The following CRB1 variants were observed in gnomAD, a reference collection of about 807,000 sequenced individuals.
CRB1 encodes the protein protein crumbs homolog 1.
In CRB1, 83 loss-of-function variants were observed where a neutral mutation model predicts 120.0. The ratio of observed to expected loss-of-function variants is 0.69; its 90% CI spans 0.58 to 0.83. The LOEUF is 0.83. Among genes scored for constraint, CRB1 ranks in the 40% least tolerant of loss-of-function variants. CRB1 has a pLI of 0.00. For missense variants in CRB1, 1,699 were observed against 1,687.6 expected, an observed-to-expected ratio of 1.01 and a Z score of -0.12; for synonymous variants, 625 against 612.5, an observed-to-expected ratio of 1.02 and a Z score of -0.30.
chr1:197,408,505 A>G (rs975183113), intron 5 of CRB1, among the ~76,000 whole-genome samples: 3 of 152,152 alleles, frequency 2.0e-5, no homozygotes, highest in Admixed American at 1.3e-4. Context: ...TCAATAATAT[A>G]CTTGGCCTTT....
chr1:197,394,099 G>T (rs1662650105), intron 5 of CRB1, among the ~76,000 whole-genome samples: 1 of 151,892 alleles, frequency 6.6e-6, no homozygotes. Context: ...TTCTGCCTGT[G>T]CCCAACTATG....
intron 7 of CRB1, chr1:197,428,841 A>G (rs898089526): frequency 1.3e-5 from 11 of 852,124 alleles, no homozygotes; most frequent in South Asian, 2.0e-5. Context: ...AGCCTAAATC[A>G]TATGTTAATA....
At chr1:197,209,623 C>T in the CRB1 span, among the ~76,000 whole-genome samples, 51 of 152,288 alleles carry the variant, frequency 3.3e-4, no homozygotes, top group South Asian at 8.3e-4. Context: ...GCTGGGATTA[C>T]AGGTGTGAGC....
intron 1 of CRB1, among the ~76,000 whole-genome samples, chr1:197,289,497 A>G (rs1656037670): frequency 6.6e-6 from 1 of 151,552 alleles, no homozygotes; most frequent in South Asian, 2.1e-4. Context: ...TTCAAATGTT[A>G]TTTATGATTC....
At chr1:197,348,120 C>T (rs943744940) in intron 4 of CRB1, among the ~76,000 whole-genome samples, 1 of 152,196 alleles carries the variant, frequency 6.6e-6, no homozygotes. Flanking sequence ...ACCACATATA[C>T]AACCGTGGTC....
intron 1 of CRB1, among the ~76,000 whole-genome samples, chr1:197,310,901 G>C (rs1412045474): frequency 2.0e-5 from 3 of 152,102 alleles, no homozygotes; most frequent in Non-Finnish European, 4.4e-5. Flanking sequence ...GACATCCACA[G>C]GGTAGAGAAA....
the CRB1 span, among the ~76,000 whole-genome samples, chr1:197,252,920 T>C: frequency 2.6e-5 from 4 of 151,832 alleles, no homozygotes; most frequent in African/African-American, 9.7e-5. Context: ...CTCATTCACA[T>C]TGGTGAAGGC....
chr1:197,424,905 C>G (rs532301419), intron 6 of CRB1, among the ~76,000 whole-genome samples: 1 of 152,252 alleles, frequency 6.6e-6, no homozygotes, highest in African/African-American at 2.4e-5. Context: ...AATCCACAGC[C>G]AAGTCATATG....
the CRB1 span, among the ~76,000 whole-genome samples, chr1:197,247,274 C>A: frequency 1.3e-5 from 2 of 151,988 alleles, no homozygotes; most frequent in Non-Finnish European, 2.9e-5. Context: ...CTGAATGTTT[C>A]CACAAATATT....
In CRB1 at chr1:197,434,784, C is replaced by G. The variant is rs575358595; in HGVS notation, c.2921C>G (p.Thr974Ser). The G allele has an allele frequency of 1.9e-6, 3 of 1,613,616 alleles. No homozygotes were observed. In the East Asian group the frequency reaches 6.7e-5, roughly 36 times the overall value. The change falls in exon 9 of 12, where the codon ACC becomes AGC. Residue 974 changes from threonine to serine, a missense_variant. Coordinates refer to ENST00000367400, the MANE Select transcript of CRB1 (RefSeq NM_201253.3). The part of the protein sequence containing the change: ...RSNGNITREL[T>S]NITFGFRTRD... The stretch of plus-strand genomic sequence containing the variant: ...AATGGGAATATTACCAGAGAACTCA[C>G]CAATATCACATTTGGTTTCAGAACA...
At chr1:197,204,876 A>T in the CRB1 span, among the ~76,000 whole-genome samples, 1 of 152,132 alleles carries the variant, frequency 6.6e-6, no homozygotes, top group South Asian at 2.1e-4. Context: ...AGTTTTTCCA[A>T]TGTTATCTTC....
rs1351201640 is a variant in CRB1, at chr1:197,427,973, A to G, written c.2648A>G (p.Gln883Arg). ...AATCCAGTTCTTGTCAATGTAACCC[A>G]AGGCTGTGCTGGAGACAACAGCTGC... ...SLNPVLVNVT[Q>R]GCAGDNSCKS... is the part of the protein sequence containing the mutation. Residue 883 changes from glutamine (Q) to arginine (R), a missense_variant, in exon 7 of 12, where the codon CAA (glutamine) becomes CGA (arginine). Gln to Arg is a conservative substitution (Grantham distance 43). Transcript: ENST00000367400. The G allele has an allele frequency of 6.2e-7, 1 of 1,613,940 alleles. No homozygotes were observed.
At chr1:197,290,265 C>A (rs1426458396) in intron 1 of CRB1, among the ~76,000 whole-genome samples, 1 of 136,898 alleles carries the variant, frequency 7.3e-6, no homozygotes, top group Non-Finnish European at 1.6e-5. Context: ...TGTTCCCTTT[C>A]GTGTGTGTGT....
At chr1:197,330,882 G>A (rs1658811615) in intron 2 of CRB1, among the ~76,000 whole-genome samples, 1 of 152,008 alleles carries the variant, frequency 6.6e-6, no homozygotes, top group South Asian at 2.1e-4. Flanking sequence ...TCTATTAGAT[G>A]TCAGTTAGTG....
intron 11 of CRB1, among the ~76,000 whole-genome samples, chr1:197,455,930 T>G (rs528257584): frequency 4.4e-4 from 67 of 152,236 alleles, no homozygotes; most frequent in African/African-American, 1.6e-3. Context: ...AGCCACATAT[T>G]AAATATAATA....
At chr1:197,235,298 T>C in the CRB1 span, among the ~76,000 whole-genome samples, 114 of 152,260 alleles carry the variant, frequency 7.5e-4, 2 homozygotes, top group East Asian at 0.022. Flanking sequence ...AAGCTACAAC[T>C]GTCACCCGTG....
At chr1:197,448,727 G>A (rs1423957308) in intron 11 of CRB1, among the ~76,000 whole-genome samples, 1 of 152,134 alleles carries the variant, frequency 6.6e-6, no homozygotes, top group African/African-American at 2.4e-5. Context: ...CCCAGGAAAA[G>A]CTTACTATTT....
intron 5 of CRB1, among the ~76,000 whole-genome samples, chr1:197,386,811 C>T (rs1023915050): frequency 6.6e-6 from 1 of 152,078 alleles, no homozygotes; most frequent in Non-Finnish European, 1.5e-5. Flanking sequence ...TGATATTAAG[C>T]TCTTTTAAGA....
chr1:197,399,223 T>A (rs1662934783), intron 5 of CRB1, among the ~76,000 whole-genome samples: 1 of 152,174 alleles, frequency 6.6e-6, no homozygotes, highest in Non-Finnish European at 1.5e-5. Context: ...AATGTCACAT[T>A]TATAACACTC....
Sources: allele counts gnomAD v4.1 joint callset (sites outside exome capture counted in the v4.1 genomes callset), GRCh38; gene constraint gnomAD v4.1.1; transcripts MANE v1.5; gene names NCBI Gene and HGNC (gene_info 2026-07-23, HGNC 2026-07-21).